The following QSER1 variants were observed in gnomAD, a reference collection of about 807,000 sequenced individuals.
QSER1 encodes glutamine and serine-rich protein 1.
A neutral mutation model predicts 158.5 loss-of-function variants in QSER1; 49 were observed. The observed-to-expected ratio is 0.31, with a 90% confidence interval of 0.25 to 0.39. The LOEUF is 0.39. QSER1 is among the 10% of genes least tolerant of loss of function. QSER1 has a pLI of 1.00. For synonymous variants in QSER1, 650 were observed against 715.5 expected, an observed-to-expected ratio of 0.91 and a Z score of 1.46; for missense variants, 1,754 against 2,010.3, an observed-to-expected ratio of 0.87 and a Z score of 2.44.
intron 4 of QSER1, among the ~76,000 whole-genome samples, chr11:32,940,795 T>G (rs1484193298): frequency 6.6e-6 from 1 of 152,194 alleles, no homozygotes; most frequent in Non-Finnish European, 1.5e-5. Flanking sequence ...CTCTAAATGA[T>G]TATTTGCATT....
Position 32,933,792 on chromosome 11 carries a change from A to G in QSER1, c.2534A>G (p.His845Arg). ...QIPNHALGHG[H>R]QASLPNTQVL... ...CCAAATCATGCTTTAGGGCATGGCC[A>G]TCAGGCATCTCTTCCTAATACACAG... The change falls in exon 4 of 13, where the codon CAT becomes CGT. Residue 845 changes from histidine to arginine, a missense_variant. His to Arg is a conservative substitution (Grantham distance 29). Coordinates refer to ENST00000650167, the MANE Select transcript of QSER1 (RefSeq NM_001076786.3). The G allele has an allele frequency of 3.1e-6, 5 of 1,613,986 alleles. No individual in the cohort carries two copies. The highest frequency in any genetic ancestry group is 4.2e-6 in the Non-Finnish European group (5 of 1,179,950).
At chr11:32,948,193 G>T (rs925784317) in intron 4 of QSER1, among the ~76,000 whole-genome samples, 4 of 152,240 alleles carry the variant, frequency 2.6e-5, no homozygotes, top group South Asian at 4.1e-4. Flanking sequence ...GGAATGGACA[G>T]TGGAGCACTG....
rs1047027075 is a variant in QSER1, at chr11:32,922,127, T to C, written c.210-5030T>C. ...GGATTATAGCCCTAAATGGAAAAGT[T>C]AATACTATAAAACTTCCAGAAGAAA... On this transcript the variant is annotated intron_variant, in intron 1 of 12. Coordinates refer to ENST00000650167, the MANE Select transcript of QSER1 (RefSeq NM_001076786.3). Among the ~76,000 whole-genome samples, 3 of 152,166 alleles carry C rather than the reference T, an allele frequency of 2.0e-5. No individual in the cohort carries two copies. In the South Asian group the frequency reaches 6.2e-4, roughly 31 times the overall value.
intron 8 of QSER1, among the ~76,000 whole-genome samples, chr11:32,961,927 A>G (rs1852631827): frequency 6.6e-6 from 1 of 152,186 alleles, no homozygotes; most frequent in South Asian, 2.1e-4. Flanking sequence ...GGCTAACTGA[A>G]TAATTGGTGT....
In QSER1 at chr11:32,892,988, G is replaced by C. The variant is rs1327443896; in HGVS notation, c.-138G>C. Among the ~76,000 whole-genome samples, 5 of 146,902 alleles carry C rather than the reference G, an allele frequency of 3.4e-5. No homozygotes were observed. Among genetic ancestry groups the C allele is most frequent in the African/African-American group, 1.2e-4 (5 of 40,464 alleles). The stretch of plus-strand genomic sequence containing the variant: ...CGCGCCCTTCTCCCGCCTGCTCGCC[G>C]GGGCCATGTGAGGGGGCAGCTCCCT... On this transcript the variant is annotated 5_prime_UTR_variant, in exon 1 of 13. Coordinates refer to ENST00000650167, the MANE Select transcript of QSER1 (RefSeq NM_001076786.3).
intron 1 of QSER1, among the ~76,000 whole-genome samples, chr11:32,913,500 G>A (rs968193077): frequency 7.2e-5 from 11 of 151,940 alleles, no homozygotes; most frequent in Admixed American, 5.2e-4. Context: ...GTCTTTCCTC[G>A]TCCTTTTAAT....
chr11:32,962,670 A>T (rs1852645686), intron 8 of QSER1, among the ~76,000 whole-genome samples: 1 of 152,198 alleles, frequency 6.6e-6, no homozygotes, highest in Admixed American at 6.5e-5. Context: ...ATTTTACACT[A>T]TCAAAAAATA....
chr11:32,965,820 A>G (rs1852731663), intron 8 of QSER1, among the ~76,000 whole-genome samples: 1 of 152,046 alleles, frequency 6.6e-6, no homozygotes, highest in Non-Finnish European at 1.5e-5. Flanking sequence ...GTGTACCTAT[A>G]ATCCCAGCTA....
chr11:32,925,855 T>A (rs776573439), intron 1 of QSER1: 3 of 152,066 alleles, frequency 2.0e-5, no homozygotes, highest in Non-Finnish European at 4.4e-5. Context: ...AAGGATACAT[T>A]ACCTTAACGA....
chr11:32,912,774 A>G (rs1159652853), intron 1 of QSER1, among the ~76,000 whole-genome samples: 3 of 151,904 alleles, frequency 2.0e-5, no homozygotes, highest in East Asian at 1.9e-4. Flanking sequence ...CTGGCCAGAC[A>G]TGGTGTCGCA....
At chr11:32,937,179 T>C (rs1590169333) in intron 4 of QSER1, among the ~76,000 whole-genome samples, 1 of 152,362 alleles carries the variant, frequency 6.6e-6, no homozygotes, top group East Asian at 1.9e-4. Context: ...CTATTAGGTC[T>C]TTGAAGTTGT....
intron 1 of QSER1, among the ~76,000 whole-genome samples, chr11:32,923,335 G>A (rs763955624): frequency 2.6e-5 from 4 of 152,160 alleles, no homozygotes; most frequent in Non-Finnish European, 4.4e-5. Context: ...TGATGGAAGT[G>A]TTCTCTCCCT....
Position 32,973,505 on chromosome 11 carries a change from A to C in QSER1, c.5314A>C (p.Lys1772Gln). 6.2e-7 allele frequency: 1 copy of C among 1,613,356 alleles called. No homozygotes were observed. The highest frequency in any genetic ancestry group is 8.5e-7 in the Non-Finnish European group (1 of 1,179,710). ...KIKMNGKAYN[K>Q]KTLRTSKTTT... The stretch of plus-strand genomic sequence containing the variant: ...CAAAATGAATGGCAAAGCCTATAAT[A>C]AGAAAACTCTAAGGACTTCTAAAAC... The change falls in exon 11 of 13, where the codon AAG becomes CAG. Residue 1772 changes from lysine to glutamine, a missense_variant. By Grantham distance (53) the Lys-to-Gln change is moderately conservative. Transcript: ENST00000650167.
In QSER1 at chr11:32,934,639, A is replaced by C. The variant is rs781495588; in HGVS notation, c.3381A>C (p.Thr1127=). Residue 1127 remains threonine, a synonymous_variant, in exon 4 of 13, where the codon ACA becomes ACC. Transcript: ENST00000650167. ...ACAGTGAAGCTCCTGTTGATAGTAC[A>C]TTAAATAATAACAGAAACCAAGAGT... ...EEDSEAPVDS[T]LNNNRNQEFV... 6.2e-7 allele frequency: 1 copy of C among 1,613,682 alleles called. No individual in the cohort carries two copies. The highest frequency in any genetic ancestry group is 8.5e-7 in the Non-Finnish European group (1 of 1,179,970).
chr11:32,954,218 G>C (rs1320856551), intron 5 of QSER1, 39 bp downstream of exon 5: 1 of 1,576,374 alleles, frequency 6.3e-7, no homozygotes, highest in African/African-American at 1.4e-5. Flanking sequence ...TCATAGTTTA[G>C]TTAGTGTGCC....
chr11:32,925,568 C>T (rs1410768296), intron 1 of QSER1, among the ~76,000 whole-genome samples: 2 of 151,176 alleles, frequency 1.3e-5, no homozygotes, highest in Non-Finnish European at 2.9e-5. Flanking sequence ...TGTTCTGTCA[C>T]CCAGGCTGGA....
In QSER1 at chr11:32,932,306, G is replaced by A. The variant is rs369982485; in HGVS notation, c.1048G>A (p.Val350Ile). ...SLHSYLSNSS[V>I]VNFQETTRQS... ...ACATAGTTATCTATCAAATTCAAGT[G>A]TAGTTAATTTTCAGGAAACAACCAG... The change falls in exon 4 of 13, where the codon GTA (valine) becomes ATA (isoleucine). Residue 350 changes from valine to isoleucine, a missense_variant. Physicochemically the swap from Val to Ile is conservative, Grantham distance 29. Around this residue, in one of 2 missense-constraint regions of QSER1, gnomAD observed 1,707 missense variants for 1,919.6 expected, o/e 0.89. Transcript: ENST00000650167. 9.9e-6 allele frequency: 16 copies of A among 1,613,536 alleles called. No homozygotes were observed. The highest frequency in any genetic ancestry group is 1.3e-5 in the Non-Finnish European group (15 of 1,180,016).
chr11:32,972,524 C>G (rs1852885013), intron 10 of QSER1, among the ~76,000 whole-genome samples: 1 of 151,986 alleles, frequency 6.6e-6, no homozygotes, highest in Non-Finnish European at 1.5e-5. Context: ...CAACCTCTGC[C>G]TCCCGAGTTC....
At position 32,931,872 on chromosome 11, in the gene QSER1, C is replaced by T. The variant is rs1852051932; in HGVS notation, c.614C>T (p.Ser205Leu). The change falls in exon 4 of 13, where the codon TCA (serine) becomes TTA (leucine). Residue 205 changes from serine (S) to leucine (L), a missense_variant. Physicochemically the swap from Ser to Leu is moderately radical, Grantham distance 145. Coordinates refer to ENST00000650167, the MANE Select transcript of QSER1 (RefSeq NM_001076786.3). ...TFSNRNFATT[S>L]PLVLQDSTFN... The stretch of plus-strand genomic sequence containing the variant: ...AGCAATAGAAACTTTGCTACCACTT[C>T]ACCTTTGGTGCTTCAGGATTCAACT... The T allele has an allele frequency of 1.9e-6, 3 of 1,614,212 alleles. No homozygotes were observed. In the East Asian group the frequency reaches 6.7e-5, roughly 36 times the overall value.
Sources: allele counts gnomAD v4.1 joint callset (sites outside exome capture counted in the v4.1 genomes callset), GRCh38; gene constraint gnomAD v4.1.1; regional missense constraint gnomAD v4.1.1; transcripts MANE v1.5; gene names NCBI Gene and HGNC (gene_info 2026-07-23, HGNC 2026-07-21).